TJP1: variants seen among roughly 807,000 people sequenced by gnomAD.
The protein encoded by TJP1 is tight junction protein 1.
A neutral mutation model predicts 194.2 loss-of-function variants in TJP1; 43 were observed. The ratio of observed to expected loss-of-function variants is 0.22; its 90% CI spans 0.17 to 0.29. The LOEUF (loss-of-function observed/expected upper bound fraction) is 0.29, where lower values mean the gene tolerates loss of function less well. Among genes scored for constraint, TJP1 ranks in the 10% least tolerant of loss-of-function variants. The probability of loss-of-function intolerance (pLI) is 1.00; values close to 1 mark genes in which losing one functional copy is unlikely to be tolerated. For missense variants in TJP1, 1,971 were observed against 2,185.7 expected (o/e 0.90, Z 1.96); for synonymous variants, 801 against 779.0 (o/e 1.03, Z -0.47).
intron 2 of TJP1, among the ~76,000 whole-genome samples, chr15:29,878,896 G>A (rs971612558): frequency 6.6e-6 from 1 of 151,922 alleles, no homozygotes; most frequent in Non-Finnish European, 1.5e-5. Context: ...AGGCTGAGGC[G>A]GGTGGATCAC....
chr15:29,790,655 C>T (rs1279984282), intron 2 of TJP1, among the ~76,000 whole-genome samples: 1 of 152,000 alleles, frequency 6.6e-6, no homozygotes, highest in African/African-American at 2.4e-5. Flanking sequence ...CATATTTTTG[C>T]ACCCATTAAC....
At chr15:29,793,658 CACTA>C (rs768686958) in intron 2 of TJP1, among the ~76,000 whole-genome samples, 12 of 152,128 alleles carry the variant, frequency 7.9e-5, no homozygotes, top group Non-Finnish European at 1.6e-4. Context: ...CATGAGAACT[CACTA>C]ACTATATAGT....
chr15:29,716,379 G>A (rs1458746170), intron 23 of TJP1, among the ~76,000 whole-genome samples: 1 of 152,154 alleles, frequency 6.6e-6, no homozygotes, highest in African/African-American at 2.4e-5. Flanking sequence ...ACTGTCTTCC[G>A]TCAAAACCCT....
intron 2 of TJP1, among the ~76,000 whole-genome samples, chr15:29,941,352 T>C (rs1342688846): frequency 6.6e-6 from 1 of 152,198 alleles, no homozygotes; most frequent in Non-Finnish European, 1.5e-5. Flanking sequence ...CTTAGTCCTC[T>C]CTCTGTTCAC....
intron 2 of TJP1, among the ~76,000 whole-genome samples, chr15:29,799,376 G>GA (rs2048626636): frequency 1.3e-5 from 2 of 151,364 alleles, no homozygotes; most frequent in Non-Finnish European, 2.9e-5. Context: ...ATTTAATAAT[G>GA]AAACATTAAA....
chr15:29,949,874 T>A (rs1478861266), intron 2 of TJP1, among the ~76,000 whole-genome samples: 30 of 52,378 alleles, frequency 5.7e-4, no homozygotes, highest in South Asian at 8.9e-4. Flanking sequence ...CACCTCCACC[T>A]CCACAACCAC....
Position 29,740,074 on chromosome 15 carries a change from G to A in TJP1, c.1256+1257C>T, listed in dbSNP as rs555576504. Among the ~76,000 whole-genome samples, 10 of 150,630 alleles carry A rather than the reference G, an allele frequency of 6.6e-5. No homozygotes were observed. In the South Asian group the frequency reaches 1.7e-3, roughly 26 times the overall value. ...GTGACCTCGGCTCACTGCAAGCTCC[G>A]CCTCCTGGGTTCACGCCATTCTCCT... On this transcript the variant is annotated intron_variant, in intron 10 of 27. Transcript: ENST00000614355.
intron 1 of TJP1, among the ~76,000 whole-genome samples, chr15:29,957,437 T>C (rs901158058): frequency 2.0e-5 from 3 of 152,184 alleles, no homozygotes; most frequent in Admixed American, 6.5e-5. Context: ...GTTGTTTGTA[T>C]TGTATAATCT....
chr15:29,711,833 G>A (rs923685218), intron 23 of TJP1, among the ~76,000 whole-genome samples: 1 of 152,108 alleles, frequency 6.6e-6, no homozygotes, highest in Non-Finnish European at 1.5e-5. Flanking sequence ...CAAATTATGC[G>A]GTTATAGCCT....
At chr15:29,732,557 A>G in intron 14 of TJP1, 29 bp from the exon 15 acceptor site, 1 of 1,613,810 alleles carries the variant, frequency 6.2e-7, no homozygotes, top group South Asian at 1.1e-5. Flanking sequence ...GAAAAACAGC[A>G]TATTTTATAC....
At chr15:29,761,088 G>A in intron 8 of TJP1, 51 bp downstream of exon 8, 4 of 1,506,508 alleles carry the variant, frequency 2.7e-6, no homozygotes, top group Non-Finnish European at 3.5e-6. Flanking sequence ...TCAGATACTG[G>A]TATCAAGCAA....
intron 2 of TJP1, among the ~76,000 whole-genome samples, chr15:29,872,237 A>C (rs538872145): frequency 6.6e-6 from 1 of 152,172 alleles, no homozygotes; most frequent in Non-Finnish European, 1.5e-5. Flanking sequence ...AGGTACTTAT[A>C]TTGTAAGCAT....
intron 2 of TJP1, among the ~76,000 whole-genome samples, chr15:29,836,082 G>A (rs902546371): frequency 1.3e-5 from 2 of 152,082 alleles, no homozygotes; most frequent in Admixed American, 1.3e-4. Context: ...TAAATCCAGA[G>A]CACTCTCTAA....
chr15:29,783,111 TA>T (rs1428851660), intron 2 of TJP1, among the ~76,000 whole-genome samples: 1 of 151,916 alleles, frequency 6.6e-6, no homozygotes, highest in Non-Finnish European at 1.5e-5. Flanking sequence ...CCATCTCTAC[TA>T]AAAGTACAAA....
At chr15:29,731,667 G>A (rs2043670465) in intron 15 of TJP1, among the ~76,000 whole-genome samples, 2 of 152,106 alleles carry the variant, frequency 1.3e-5, no homozygotes, top group South Asian at 2.1e-4. Context: ...GTGGCTTTCT[G>A]ATTTTTGGTA....
At chr15:29,936,671 C>G (rs2054892689) in intron 2 of TJP1, among the ~76,000 whole-genome samples, 1 of 152,158 alleles carries the variant, frequency 6.6e-6, no homozygotes, top group Admixed American at 6.6e-5. Flanking sequence ...GACAAGACAC[C>G]AGCTCCTTTT....
chr15:29,741,247 G>T, intron 10 of TJP1, 84 bp downstream of exon 10: 1 of 968,776 alleles, frequency 1.0e-6, no homozygotes, highest in Non-Finnish European at 1.6e-6. Flanking sequence ...AAAAATATAT[G>T]CAATATGGTT....
intron 1 of TJP1, among the ~76,000 whole-genome samples, chr15:29,810,037 C>A (rs2049383428): frequency 6.6e-6 from 1 of 152,108 alleles, no homozygotes; most frequent in Non-Finnish European, 1.5e-5. Context: ...TCAGGGTGAA[C>A]CATCCAAAAT....
At chr15:29,743,691 C>T (rs996947893) in intron 8 of TJP1, among the ~76,000 whole-genome samples, 2 of 152,134 alleles carry the variant, frequency 1.3e-5, no homozygotes, top group African/African-American at 4.8e-5. Context: ...AGAGCCACTA[C>T]ACTCCAGCCT....
Sources: gnomAD v4.1 joint callset for allele counts (sites outside exome capture counted in the v4.1 genomes callset) on GRCh38, gnomAD v4.1.1 for gene constraint, MANE v1.5 for transcripts, NCBI Gene and HGNC (gene_info 2026-07-23, HGNC 2026-07-21) for gene names.